The following SPATA9 variants were observed in gnomAD, a reference collection of about 807,000 sequenced individuals.
SPATA9 encodes spermatogenesis-associated protein 9.
In SPATA9, 27 loss-of-function variants were observed where a neutral mutation model predicts 25.5. The ratio of observed to expected loss-of-function variants is 1.06; its 90% confidence interval spans 0.78 to 1.46. The LOEUF (loss-of-function observed/expected upper bound fraction) is 1.46, where lower values mean the gene tolerates loss of function less well. Ranked by LOEUF, SPATA9 falls within the 40% of genes most tolerant of loss-of-function variation. SPATA9 has a pLI of 0.00. For missense variants in SPATA9, 282 were observed against 297.5 expected, an observed-to-expected ratio of 0.95 and a Z score of 0.38; for synonymous variants, 102 against 105.7, an observed-to-expected ratio of 0.97 and a Z score of 0.21.
At chr5:95,711,558 C>G in the SPATA9 span, among the ~76,000 whole-genome samples, 26 of 152,268 alleles carry the variant, frequency 1.7e-4, no homozygotes, top group Middle Eastern at 6.8e-3. Flanking sequence ...TTCCTCCCGC[C>G]GCGGCCGCAG....
At chr5:95,672,385 T>C (rs1752476542) in intron 3 of SPATA9, among the ~76,000 whole-genome samples, 1 of 151,888 alleles carries the variant, frequency 6.6e-6, no homozygotes, top group Non-Finnish European at 1.5e-5. Context: ...TGGTCTCAGG[T>C]TGCTGGAACC....
chr5:95,731,820 C>A, the SPATA9 span: 2 of 1,602,008 alleles, frequency 1.2e-6, no homozygotes, highest in Admixed American at 1.7e-5. Flanking sequence ...GCGCGCTGAC[C>A]GTGCTTCCCT....
At chr5:95,724,027 C>T in the SPATA9 span, among the ~76,000 whole-genome samples, 251 of 152,230 alleles carry the variant, frequency 1.6e-3, 10 homozygotes, top group East Asian at 0.041. Context: ...AATGGTGATA[C>T]GTCATTTGAT....
At chr5:95,731,188 T>C in the SPATA9 span, 1 of 1,003,892 alleles carries the variant, frequency 1.0e-6, no homozygotes. Flanking sequence ...CCACCGGAGC[T>C]CCCGGGGCCT....
At position 95,664,040 on chromosome 5, in the gene SPATA9, C is replaced by G; in HGVS notation, c.387G>C (p.Lys129Asn). 2 of 1,553,758 alleles carry G rather than the reference C, an allele frequency of 1.3e-6. No homozygotes were observed. Among genetic ancestry groups the G allele is most frequent in the Non-Finnish European group, 1.7e-6 (2 of 1,145,874 alleles). Residue 129 changes from lysine to asparagine, a missense_variant, in exon 4 of 5, where the codon AAG (lysine) becomes AAC (asparagine). Coordinates refer to ENST00000274432, the MANE Select transcript of SPATA9 (RefSeq NM_031952.4). ...AGGAGATGATTTCAAACAAAGAACC[C>G]TTTCTGACCTGCAAAAACAGAAAAG... ...RQPLYNIQVR[K>N]GSLFEIISFP... is the part of the protein sequence containing the mutation.
chr5:95,698,145 G>A (rs1217754781), intron 1 of SPATA9, among the ~76,000 whole-genome samples: 1 of 152,152 alleles, frequency 6.6e-6, no homozygotes, highest in Non-Finnish European at 1.5e-5. Context: ...TTTCATTTGG[G>A]AAAATCACTG....
the SPATA9 span, chr5:95,731,516 G>A: frequency 1.6e-6 from 2 of 1,261,114 alleles, no homozygotes; most frequent in East Asian, 6.7e-5. Context: ...TCGCTGGCTG[G>A]CGCGGCCCCG....
upstream of SPATA9, among the ~76,000 whole-genome samples, chr5:95,684,441 C>G (rs149896985): frequency 3.0e-3 from 451 of 152,306 alleles, 3 homozygotes; most frequent in African/African-American, 0.01. Context: ...ACCCAATTTT[C>G]TTCTCTTTTC....
chr5:95,714,202 T>G, the SPATA9 span, among the ~76,000 whole-genome samples: 25 of 152,178 alleles, frequency 1.6e-4, no homozygotes, highest in African/African-American at 6.0e-4. Flanking sequence ...TGGGGATGAC[T>G]AGGCAATTGG....
chr5:95,658,598 A>C lies in SPATA9; in HGVS notation c.*25T>G. The C allele has an allele frequency of 1.3e-6, 2 of 1,591,318 alleles. No homozygotes were observed. The highest frequency in any genetic ancestry group is 1.7e-6 in the Non-Finnish European group (2 of 1,169,638). On this transcript the variant is annotated 3_prime_UTR_variant, in exon 5 of 5. Transcript: ENST00000274432. ...ATGTGCCATTAAATAGATAACTCTTAAGTTCTGTTCAGTGATACCTGTATT... is the reference window on the plus strand; with the variant it reads ...ATGTGCCATTAAATAGATAACTCTTCAGTTCTGTTCAGTGATACCTGTATT...
the SPATA9 span, among the ~76,000 whole-genome samples, chr5:95,721,661 T>C: frequency 7.0e-6 from 1 of 143,030 alleles, no homozygotes; most frequent in Admixed American, 7.2e-5. Flanking sequence ...TAAGGAGCTC[T>C]AAAGAGGAAT....
At chr5:95,652,215 G>C, downstream of SPATA9, 1 of 1,520,418 alleles carries the variant, frequency 6.6e-7, no homozygotes, top group Non-Finnish European at 8.9e-7. Flanking sequence ...ATTAGCAATA[G>C]ATTGGACACT....
chr5:95,704,226 T>C, the SPATA9 span, among the ~76,000 whole-genome samples: 4 of 152,386 alleles, frequency 2.6e-5, no homozygotes, highest in African/African-American at 9.6e-5. Flanking sequence ...ATTTTTCATG[T>C]TTGTGTATTA....
At chr5:95,688,409 C>T (rs1753800495) in intron 1 of SPATA9, among the ~76,000 whole-genome samples, 1 of 152,108 alleles carries the variant, frequency 6.6e-6, no homozygotes. Context: ...TGCCATCATG[C>T]CTGGCTAATT....
At chr5:95,731,772 G>T in the SPATA9 span, 3 of 1,605,064 alleles carry the variant, frequency 1.9e-6, no homozygotes, top group South Asian at 1.1e-5. Flanking sequence ...TCCTCGCCGC[G>T]CGCTGTCCCC....
chr5:95,657,270 A>AT (rs578125415), downstream of SPATA9: 308 of 152,188 alleles, frequency 2.0e-3, no homozygotes, highest in African/African-American at 6.8e-3. Flanking sequence ...TGGTTTTATC[A>AT]TGTCAGTTAT....
chr5:95,653,156 C>T (rs1750463475), exon 9 of SPATA9: 2 of 1,551,708 alleles, frequency 1.3e-6, no homozygotes, highest in African/African-American at 2.7e-5. Context: ...ATGTCTAGTT[C>T]ATTTGCATTT....
At chr5:95,717,677 G>A in the SPATA9 span, 98 of 152,322 alleles carry the variant, frequency 6.4e-4, no homozygotes, top group African/African-American at 2.3e-3. Context: ...GGAATCTGTC[G>A]ATATACAAGC....
chr5:95,659,969 A>G (rs551698970), intron 4 of SPATA9, among the ~76,000 whole-genome samples: 2 of 152,142 alleles, frequency 1.3e-5, no homozygotes, highest in Non-Finnish European at 2.9e-5. Context: ...CACTGATAGT[A>G]TTGTGATGCT....
Sources: gnomAD v4.1 joint callset for allele counts (sites outside exome capture counted in the v4.1 genomes callset) on GRCh38, gnomAD v4.1.1 for gene constraint, MANE v1.5 for transcripts, NCBI Gene and HGNC (gene_info 2026-07-23, HGNC 2026-07-21) for gene names.